DNAH7: variants seen among roughly 807,000 people sequenced by gnomAD.
DNAH7 encodes the protein dynein axonemal heavy chain 7.
In DNAH7, 397 loss-of-function variants were observed where a neutral mutation model predicts 444.6. That is an observed-to-expected ratio of 0.89 (90% CI 0.82 to 0.97). The LOEUF is 0.97. Ranked by LOEUF, DNAH7 falls within the 50% of genes least tolerant of loss-of-function variation. The probability of loss-of-function intolerance (pLI) is 0.00; values close to 1 mark genes in which losing one functional copy is unlikely to be tolerated. For synonymous variants in DNAH7, 1,636 were observed against 1,624.4 expected, an observed-to-expected ratio of 1.01 and a Z score of -0.17; for missense variants, 4,902 against 4,800.8, an observed-to-expected ratio of 1.02 and a Z score of -0.62.
At chr2:195,883,234 T>C (rs1701510325) in intron 35 of DNAH7, among the ~76,000 whole-genome samples, 1 of 152,120 alleles carries the variant, frequency 6.6e-6, no homozygotes, top group Middle Eastern at 3.2e-3. Context: ...GATCACAAGG[T>C]CAGGAGATTG....
chr2:195,906,423 A>ACACACACACACACACACTT (rs764416021), intron 27 of DNAH7, among the ~76,000 whole-genome samples: 9,468 of 147,498 alleles, frequency 0.064, 591 homozygotes, highest in African/African-American at 0.16. Flanking sequence ...ACACACACAC[A>ACACACACACACACACACTT]CACACACTTT....
chr2:195,803,188 G>A (rs896533498), intron 54 of DNAH7, among the ~76,000 whole-genome samples: 30 of 151,978 alleles, frequency 2.0e-4, no homozygotes, highest in Non-Finnish European at 1.2e-4. Context: ...TTCTTCCCAC[G>A]GCTAACTTCA....
intron 5 of DNAH7, among the ~76,000 whole-genome samples, chr2:196,043,391 T>C (rs2125835976): frequency 6.6e-6 from 1 of 152,230 alleles, no homozygotes; most frequent in African/African-American, 2.4e-5. Flanking sequence ...AATGGTTATC[T>C]CTCGCCTTAT....
At chr2:195,952,831 C>G (rs1472720621) in intron 19 of DNAH7, among the ~76,000 whole-genome samples, 1 of 152,160 alleles carries the variant, frequency 6.6e-6, no homozygotes, top group Non-Finnish European at 1.5e-5. Context: ...AGCAATTCGT[C>G]TAACCTTTTT....
rs114621989 is a variant in DNAH7 at position 195,738,049 on chromosome 2, G to A, written c.11947C>T (p.Arg3983Trp). 9.0e-3 allele frequency: 14,495 copies of A among 1,613,950 alleles called. 94 individuals are homozygous for A. The highest frequency in any genetic ancestry group is 0.01 in the Non-Finnish European group (11,875 of 1,179,866). Residue 3983 changes from arginine (R) to tryptophan (W), a missense_variant, in exon 65 of 65, where the codon CGG becomes TGG. Coordinates refer to ENST00000312428, the MANE Select transcript of DNAH7 (RefSeq NM_018897.3). ...YVAPLYKTSE[R>W]RGVLSTTGHS... ...CCAGTGGTGGATAATACTCCTCTCC[G>A]CTCACTTGTCTTATACAATGGAGCA...
At chr2:195,931,451 CT>C (rs1688690623) in intron 21 of DNAH7, among the ~76,000 whole-genome samples, 1 of 151,842 alleles carries the variant, frequency 6.6e-6, no homozygotes, top group East Asian at 1.9e-4. Context: ...TCAATTTTGG[CT>C]TTTGTTGCCA....
intron 15 of DNAH7, among the ~76,000 whole-genome samples, chr2:195,976,764 AG>A (rs1266858361): frequency 7.3e-5 from 11 of 150,320 alleles, no homozygotes; most frequent in African/African-American, 2.7e-4. Flanking sequence ...AGAGAGAGAG[AG>A]AGAGAGAGAG....
At chr2:195,950,867 A>AAAAAAAAAAAAAC (rs1559262883) in intron 19 of DNAH7, among the ~76,000 whole-genome samples, 1 of 149,092 alleles carries the variant, frequency 6.7e-6, no homozygotes, top group African/African-American at 2.5e-5. Flanking sequence ...AAAAAAAAAA[A>AAAAAAAAAAAAAC]AAAAAAAAAA....
intron 2 of DNAH7, among the ~76,000 whole-genome samples, chr2:196,052,456 CAAAGAATG>C (rs1203506938): frequency 6.6e-6 from 1 of 152,192 alleles, no homozygotes; most frequent in Non-Finnish European, 1.5e-5. Flanking sequence ...GTACAAAACA[CAAAGAATG>C]TAAATTATCA....
At chr2:195,802,609 C>A (rs1350718493) in intron 54 of DNAH7, among the ~76,000 whole-genome samples, 1 of 151,714 alleles carries the variant, frequency 6.6e-6, no homozygotes, top group Non-Finnish European at 1.5e-5. Context: ...GTGGAGGTTG[C>A]ACTGAGAGGA....
At chr2:195,863,595 G>A (rs899799000) in intron 41 of DNAH7, among the ~76,000 whole-genome samples, 1 of 152,178 alleles carries the variant, frequency 6.6e-6, no homozygotes, top group Non-Finnish European at 1.5e-5. Context: ...CTAATGGGAA[G>A]AGATTGGGGG....
intron 24 of DNAH7, among the ~76,000 whole-genome samples, chr2:195,913,668 G>T (rs1191597551): frequency 6.6e-6 from 1 of 152,116 alleles, no homozygotes; most frequent in Non-Finnish European, 1.5e-5. Flanking sequence ...TTCAATATTA[G>T]ATCTCCTAAT....
intron 57 of DNAH7, among the ~76,000 whole-genome samples, chr2:195,791,952 G>T (rs879757715): frequency 6.6e-6 from 1 of 152,122 alleles, no homozygotes; most frequent in African/African-American, 2.4e-5. Flanking sequence ...GGACCACTTA[G>T]GTCAAGTGTT....
At chr2:196,050,521 T>A (rs1052366983) in intron 3 of DNAH7, among the ~76,000 whole-genome samples, 59 of 152,288 alleles carry the variant, frequency 3.9e-4, no homozygotes, top group Non-Finnish European at 5.9e-4. Flanking sequence ...TCAATTTTTT[T>A]AAAAAATAAT....
At chr2:195,918,191 A>C (rs1234711263) in intron 24 of DNAH7, among the ~76,000 whole-genome samples, 5 of 152,270 alleles carry the variant, frequency 3.3e-5, no homozygotes, top group African/African-American at 1.2e-4. Flanking sequence ...AAAGATGCTC[A>C]GCATCATATA....
At chr2:196,045,979 T>C (rs973544327) in intron 5 of DNAH7, among the ~76,000 whole-genome samples, 2 of 151,978 alleles carry the variant, frequency 1.3e-5, no homozygotes, top group Non-Finnish European at 2.9e-5. Flanking sequence ...TTTCAGTAAG[T>C]CCATCTATAT....
intron 12 of DNAH7, chr2:195,994,335 C>T: frequency 3.3e-6 from 2 of 614,464 alleles, no homozygotes; most frequent in Non-Finnish European, 5.6e-6. Flanking sequence ...CTCCCCAAGG[C>T]TCAGGAGACA....
At position 195,972,652 on chromosome 2, in the gene DNAH7, C is replaced by A. The variant is rs187197876; in HGVS notation, c.1834-186G>T. Among the ~76,000 whole-genome samples, 343 of 149,844 alleles carry A rather than the reference C, an allele frequency of 2.3e-3. 1 individual carries two copies. The highest frequency in any genetic ancestry group is 7.6e-3 in the African/African-American group (311 of 40,816). ...AAACATCTCACTAAAATGACAACAACAAAAAAAAAGAAAAAGAAAGAAAAT... is the reference window on the plus strand; with the variant it reads ...AAACATCTCACTAAAATGACAACAAAAAAAAAAAAGAAAAAGAAAGAAAAT... On this transcript the variant is annotated intron_variant, in intron 15 of 64. Transcript: ENST00000312428.
intron 52 of DNAH7, among the ~76,000 whole-genome samples, chr2:195,809,503 T>C (rs62201497): frequency 0.094 from 14,336 of 152,228 alleles, 758 homozygotes; most frequent in African/African-American, 0.14. Flanking sequence ...GAAAATCTAA[T>C]ATAATCAATT....
Sources: gnomAD v4.1 joint callset for allele counts (sites outside exome capture counted in the v4.1 genomes callset) on GRCh38, gnomAD v4.1.1 for gene constraint, MANE v1.5 for transcripts, NCBI Gene and HGNC (gene_info 2026-07-23, HGNC 2026-07-21) for gene names.